The following TLL1 variants were observed in gnomAD, a reference collection of about 807,000 sequenced individuals.
TLL1 encodes the protein tolloid like 1.
Under a neutral mutation model 128.2 loss-of-function variants are expected in TLL1, and 49 were observed. The observed-to-expected ratio is 0.38, with a 90% CI of 0.30 to 0.48. The LOEUF (loss-of-function observed/expected upper bound fraction) is 0.48, where lower values mean the gene tolerates loss of function less well. TLL1 is among the 20% of genes least tolerant of loss of function. The pLI is 0.96. For missense variants in TLL1, 1,123 were observed against 1,242.0 expected, an observed-to-expected ratio of 0.90 and a Z score of 1.44; for synonymous variants, 454 against 418.8, an observed-to-expected ratio of 1.08 and a Z score of -1.03.
At chr4:165,992,192 A>G (rs182964461) in intron 2 of TLL1, among the ~76,000 whole-genome samples, 1 of 152,020 alleles carries the variant, frequency 6.6e-6, no homozygotes, top group Non-Finnish European at 1.5e-5. Context: ...AGCGTAACAG[A>G]ATATATTTTG....
At chr4:165,988,533 G>A (rs928070888) in intron 1 of TLL1, among the ~76,000 whole-genome samples, 2 of 152,068 alleles carry the variant, frequency 1.3e-5, no homozygotes, top group Admixed American at 1.3e-4. Flanking sequence ...GGAAGCTGAG[G>A]TAGGAGGACT....
At chr4:165,936,223 C>CTTTTTTTT (rs942916662) in intron 1 of TLL1, among the ~76,000 whole-genome samples, 4 of 120,882 alleles carry the variant, frequency 3.3e-5, no homozygotes, top group African/African-American at 9.4e-5. Context: ...TTTCTTTTTT[C>CTTTTTTTT]TTTTTTTTTT....
intron 1 of TLL1, among the ~76,000 whole-genome samples, chr4:165,928,452 A>G (rs932394895): frequency 3.3e-5 from 5 of 152,160 alleles, no homozygotes; most frequent in African/African-American, 1.2e-4. Context: ...TGGAATTTGA[A>G]TTGGCTATTG....
Position 166,075,195 on chromosome 4 carries a change from A to G in TLL1, c.2314+192A>G, listed in dbSNP as rs2292082. ...GACTGGATCTGTACTTCGCACATAGATGGCATTAGAGTAGCTTTGTATAGC... is the reference window on the plus strand; with the variant it reads ...GACTGGATCTGTACTTCGCACATAGGTGGCATTAGAGTAGCTTTGTATAGC... On this transcript the variant is annotated intron_variant, in intron 17 of 20. Transcript: ENST00000061240. Among the ~76,000 whole-genome samples, 75,791 of 152,036 alleles carry G rather than the reference A, an allele frequency of 0.5. 21,344 individuals are homozygous for G. The highest frequency in any genetic ancestry group is 0.78 in the African/African-American group (32,572 of 41,504).
chr4:165,937,041 T>C (rs992240774), intron 1 of TLL1, among the ~76,000 whole-genome samples: 1 of 152,194 alleles, frequency 6.6e-6, no homozygotes, highest in African/African-American at 2.4e-5. Context: ...GTATCAGAGA[T>C]GGTGTTATAA....
chr4:165,943,229 T>C (rs1106964), intron 1 of TLL1, among the ~76,000 whole-genome samples: 5,455 of 152,178 alleles, frequency 0.036, 292 homozygotes, highest in African/African-American at 0.12. Flanking sequence ...TTAAAACCTG[T>C]ATTCAAAACA....
chr4:166,099,170 A>C, intron 19 of TLL1, 107 bp from the exon 20 acceptor site: 3 of 1,536,398 alleles, frequency 2.0e-6, no homozygotes, highest in Non-Finnish European at 2.7e-6. Context: ...TGGAAGTAGA[A>C]ACAGAAGTTA....
chr4:166,083,388 GT>G lies in TLL1; in HGVS notation c.2442+5359del, dbSNP rs1741375819. Among the ~76,000 whole-genome samples, 2 of 122,544 alleles carry G rather than the reference GT, an allele frequency of 1.6e-5. 1 individual carries two copies. The highest frequency in any genetic ancestry group is 3.8e-5 in the Non-Finnish European group (2 of 52,094). The allele number at this position is 122,544 out of a possible 152,430, so 80.4% of individuals were successfully genotyped here. A position where few individuals can be genotyped will look rare whatever the true frequency, so the allele number is the denominator to read the frequency against. Reference sequence around the variant, plus strand: ...TATTATTCATGTTTTGATCATATTTGTGGGGAAAAAACACTTAACATCCACT... The same window carrying G: ...TATTATTCATGTTTTGATCATATTTGGGGGAAAAAACACTTAACATCCACT... On this transcript the variant is annotated intron_variant, in intron 18 of 20. Coordinates refer to ENST00000061240, the MANE Select transcript of TLL1 (RefSeq NM_012464.5).
At chr4:166,060,335 A>C in intron 15 of TLL1, 147 bp downstream of exon 15, 1 of 888,092 alleles carries the variant, frequency 1.1e-6, no homozygotes, top group East Asian at 2.7e-5. Context: ...GCAACTGCTT[A>C]TGAATCTCGT....
chr4:166,023,205 C>T (rs1224669351), intron 8 of TLL1, among the ~76,000 whole-genome samples: 1 of 152,164 alleles, frequency 6.6e-6, no homozygotes, highest in African/African-American at 2.4e-5. Flanking sequence ...TCAAGACCAG[C>T]CTGTCCAACA....
intron 8 of TLL1, among the ~76,000 whole-genome samples, chr4:166,014,986 A>G (rs1198417321): frequency 6.6e-6 from 1 of 151,928 alleles, no homozygotes; most frequent in East Asian, 1.9e-4. Flanking sequence ...TGGCATATAA[A>G]TTACAATTTT....
intron 15 of TLL1, among the ~76,000 whole-genome samples, chr4:166,060,700 G>A (rs7693478): frequency 0.45 from 67,935 of 152,018 alleles, 16,822 homozygotes; most frequent in African/African-American, 0.68. Flanking sequence ...CTTTTTTAAT[G>A]CAGAATATAG....
intron 18 of TLL1, among the ~76,000 whole-genome samples, chr4:166,089,673 T>C (rs1302683334): frequency 6.6e-6 from 1 of 152,172 alleles, no homozygotes; most frequent in Non-Finnish European, 1.5e-5. Flanking sequence ...TTCAGTCTTT[T>C]TGTACTAGCC....
intron 1 of TLL1, among the ~76,000 whole-genome samples, chr4:165,918,681 G>C (rs191289208): frequency 6.6e-6 from 1 of 151,860 alleles, no homozygotes; most frequent in South Asian, 2.1e-4. Context: ...CCTCTTACAC[G>C]GTGGTTTCTC....
intron 15 of TLL1, 136 bp from the exon 16 acceptor site, chr4:166,065,547 T>A (rs959968325): frequency 1.0e-5 from 9 of 864,626 alleles, no homozygotes; most frequent in Admixed American, 2.1e-5. Context: ...TCTGACCTGA[T>A]TTTTTTCCTT....
intron 1 of TLL1, among the ~76,000 whole-genome samples, chr4:165,938,820 A>G (rs916786480): frequency 6.6e-6 from 1 of 151,404 alleles, no homozygotes; most frequent in African/African-American, 2.4e-5. Flanking sequence ...GGTTTCCTCA[A>G]CCTGTATATA....
chr4:166,037,248 G>A (rs1739047228), intron 9 of TLL1, among the ~76,000 whole-genome samples: 1 of 152,142 alleles, frequency 6.6e-6, no homozygotes, highest in Non-Finnish European at 1.5e-5. Flanking sequence ...GTTATATCCT[G>A]AATATAGTCT....
chr4:165,962,577 C>A (rs1735162730), intron 1 of TLL1, among the ~76,000 whole-genome samples: 1 of 152,048 alleles, frequency 6.6e-6, no homozygotes, highest in Non-Finnish European at 1.5e-5. Flanking sequence ...TGGGTATATA[C>A]CCAAAGGAAA....
rs994162065 is a variant in TLL1, at chr4:165,957,943, G to T, written c.170-31438G>T. Among the ~76,000 whole-genome samples, 150 of 143,930 alleles carry T rather than the reference G, an allele frequency of 1.0e-3. 1 individual carries two copies. The highest frequency in any genetic ancestry group is 1.7e-3 in the Non-Finnish European group (112 of 66,926). The allele number at this position is 143,930 out of a possible 152,430, so 94.4% of individuals were successfully genotyped here. On this transcript the variant is annotated intron_variant, in intron 1 of 20. Coordinates refer to ENST00000061240, the MANE Select transcript of TLL1 (RefSeq NM_012464.5). The stretch of plus-strand genomic sequence containing the variant: ...TTCTCATTGTTCAATTCCCATCTAT[G>T]AGTGAGAACATGCGGTGTTTGGTTT...
Sources: gnomAD v4.1 joint callset for allele counts (sites outside exome capture counted in the v4.1 genomes callset) on GRCh38, gnomAD v4.1.1 for gene constraint, MANE v1.5 for transcripts, NCBI Gene and HGNC (gene_info 2026-07-23, HGNC 2026-07-21) for gene names.